Variants in TF observed in about 807,000 individuals in gnomAD.
The protein encoded by TF is serotransferrin.
TF carries 55 observed loss-of-function variants against 82.4 expected under a neutral mutation model. The ratio of observed to expected loss-of-function variants is 0.67; its 90% CI spans 0.54 to 0.84. The LOEUF (loss-of-function observed/expected upper bound fraction) is 0.84. Among genes scored for constraint, TF ranks in the 40% least tolerant of loss-of-function variants. The pLI is 0.00. For missense variants in TF, 737 were observed against 868.4 expected, an observed-to-expected ratio of 0.85 and a Z score of 1.90; for synonymous variants, 332 against 332.6, an observed-to-expected ratio of 1.00 and a Z score of 0.02.
At chr3:133,698,212 A>G in the TF span, among the ~76,000 whole-genome samples, 3 of 152,300 alleles carry the variant, frequency 2.0e-5, no homozygotes, top group East Asian at 1.9e-4. Flanking sequence ...TTTCACTTCA[A>G]TCAATCTGCA....
the TF span, among the ~76,000 whole-genome samples, chr3:133,712,136 G>T: frequency 6.6e-6 from 1 of 152,198 alleles, no homozygotes; most frequent in Non-Finnish European, 1.5e-5. Flanking sequence ...ATTTACTGGT[G>T]TGGTTACTTG....
At chr3:133,686,009 A>G in the TF span, among the ~76,000 whole-genome samples, 3 of 152,234 alleles carry the variant, frequency 2.0e-5, no homozygotes, top group East Asian at 5.8e-4. Context: ...GATATAGACC[A>G]ATGGAAGAGA....
At chr3:133,745,976 C>G, upstream of TF, 1 of 205,424 alleles carries the variant, frequency 4.9e-6, no homozygotes, top group Non-Finnish European at 9.9e-6. Flanking sequence ...TGTCATTCTG[C>G]AGTTCTAGTG....
the TF span, among the ~76,000 whole-genome samples, chr3:133,674,694 C>T: frequency 1.3e-5 from 2 of 151,736 alleles, no homozygotes; most frequent in Non-Finnish European, 2.9e-5. Context: ...CAAGGTGCTC[C>T]GGGGAGGCAC....
the TF span, among the ~76,000 whole-genome samples, chr3:133,675,242 CAAAAA>C: frequency 1.8e-5 from 1 of 55,448 alleles, no homozygotes; most frequent in Non-Finnish European, 3.2e-5. Flanking sequence ...GAGACTCTGT[CAAAAA>C]AAAAAAAAAA....
the TF span, among the ~76,000 whole-genome samples, chr3:133,726,446 G>C: frequency 6.6e-6 from 1 of 152,188 alleles, no homozygotes; most frequent in Non-Finnish European, 1.5e-5. Context: ...TATTTGCGTA[G>C]AGGTGTTTGT....
the TF span, among the ~76,000 whole-genome samples, chr3:133,677,967 C>T: frequency 5.9e-5 from 9 of 152,250 alleles, no homozygotes; most frequent in African/African-American, 1.7e-4. Flanking sequence ...CCCATCAACC[C>T]GTCATCTACA....
At chr3:133,718,162 G>T in the TF span, among the ~76,000 whole-genome samples, 1 of 152,090 alleles carries the variant, frequency 6.6e-6, no homozygotes, top group Non-Finnish European at 1.5e-5. Context: ...AGTGGGAAGA[G>T]AAGCCCATTG....
chr3:133,770,664 T>G (rs1001974457), intron 14 of TF, 92 bp downstream of exon 14: 5 of 1,302,348 alleles, frequency 3.8e-6, no homozygotes, highest in Non-Finnish European at 5.6e-6. Flanking sequence ...GGAAGTATTA[T>G]GTACACTGTC....
At chr3:133,665,987 A>G in the TF span, among the ~76,000 whole-genome samples, 1 of 151,632 alleles carries the variant, frequency 6.6e-6, no homozygotes, top group African/African-American at 2.4e-5. Context: ...AACAAATATG[A>G]CAAAATAGTT....
rs41298291 is a variant in TF, at chr3:133,748,318, A to G, written c.44-94A>G. On this transcript the variant is annotated intron_variant, in intron 1 of 16. Transcript: ENST00000402696. Reference sequence around the variant, plus strand: ...CAGGAGTGAGAGGAGGACAGGACTGAGGGGATGTGGCTGTCAAGGCCTTTC... The same window carrying G: ...CAGGAGTGAGAGGAGGACAGGACTGGGGGGATGTGGCTGTCAAGGCCTTTC... 1,106 of 1,450,504 alleles carry G rather than the reference A, an allele frequency of 7.6e-4. 8 individuals carry two copies. The African/African-American group carries it at 0.014, about 18-fold the overall frequency. 89.9% of individuals were successfully genotyped at this position (1,450,504 alleles called of 1,614,324 possible).
the TF span, among the ~76,000 whole-genome samples, chr3:133,735,428 A>G: frequency 2.7e-3 from 412 of 152,272 alleles, 2 homozygotes; most frequent in Admixed American, 4.3e-3. Context: ...CTTGCCAGCC[A>G]GGAACAAAAC....
At chr3:133,700,646 T>C in the TF span, among the ~76,000 whole-genome samples, 1 of 152,068 alleles carries the variant, frequency 6.6e-6, no homozygotes, top group African/African-American at 2.4e-5. Flanking sequence ...TGGAAAGGGA[T>C]GGATCTGGGG....
chr3:133,702,521 G>T, the TF span, among the ~76,000 whole-genome samples: 1 of 151,632 alleles, frequency 6.6e-6, no homozygotes, highest in African/African-American at 2.4e-5. Context: ...CTCTAGCCTG[G>T]GTGACAGAGC....
chr3:133,674,855 G>A, the TF span, among the ~76,000 whole-genome samples: 41 of 152,296 alleles, frequency 2.7e-4, 1 homozygote, highest in African/African-American at 8.9e-4. Context: ...ATTGACTAGG[G>A]AGAGGATTGC....
At chr3:133,680,652 G>T in the TF span, among the ~76,000 whole-genome samples, 2 of 151,600 alleles carry the variant, frequency 1.3e-5, no homozygotes, top group African/African-American at 4.9e-5. Context: ...CCTTGGTTGT[G>T]CTTCTTACCC....
chr3:133,787,915 T>C lies in TF; in HGVS notation c.*9295T>C, dbSNP rs1001896090. 15 of 152,222 alleles carry C rather than the reference T, an allele frequency of 9.9e-5. No individual in the cohort carries two copies. The highest frequency in any genetic ancestry group is 3.6e-4 in the African/African-American group (15 of 41,460). 9.4% of individuals were successfully genotyped at this position (152,222 alleles called of 1,614,324 possible). On this transcript the variant is annotated 3_prime_UTR_variant, in exon 17 of 17. Transcript: ENST00000402696. Reference sequence around the variant, plus strand: ...TAACGTTTATAAAAAGACTATCTTCTGAAAACGACTTTTGGAAGTGAAATG... The same window carrying C: ...TAACGTTTATAAAAAGACTATCTTCCGAAAACGACTTTTGGAAGTGAAATG...
chr3:133,682,544 G>A, the TF span, among the ~76,000 whole-genome samples: 7 of 152,144 alleles, frequency 4.6e-5, no homozygotes, highest in Non-Finnish European at 1.0e-4. Flanking sequence ...ACCATGGCAC[G>A]AGAACTACGT....
chr3:133,663,386 C>A, the TF span, among the ~76,000 whole-genome samples: 1 of 124,020 alleles, frequency 8.1e-6, no homozygotes, highest in Admixed American at 9.6e-5. Context: ...AGAAATGAGT[C>A]AGAATCAATT....
Sources: gnomAD v4.1 joint callset for allele counts (sites outside exome capture counted in the v4.1 genomes callset) on GRCh38, gnomAD v4.1.1 for gene constraint, MANE v1.5 for transcripts, NCBI Gene and HGNC (gene_info 2026-07-23, HGNC 2026-07-21) for gene names.